Variants in LRP2 observed in about 807,000 individuals in gnomAD.
LRP2 encodes LDL receptor related protein 2, also known as low-density lipoprotein receptor-related protein 2.
In LRP2, 172 loss-of-function variants were observed where a neutral mutation model predicts 531.0. That is an observed-to-expected ratio of 0.32 (90% CI 0.29 to 0.37). The LOEUF is 0.37. Among genes scored for constraint, LRP2 ranks in the 10% least tolerant of loss-of-function variants. LRP2 has a pLI of 1.00. For missense variants in LRP2, 5,167 were observed against 5,868.3 expected (o/e 0.88, Z 3.90); for synonymous variants, 1,992 against 2,027.6 (o/e 0.98, Z 0.47).
chr2:169,172,123 A>G lies in LRP2; in HGVS notation c.11155T>C (p.Cys3719Arg), dbSNP rs1260733030. 6.2e-7 allele frequency: 1 copy of G among 1,614,188 alleles called. No homozygotes were observed. Among genetic ancestry groups the G allele is most frequent in the Non-Finnish European group, 8.5e-7 (1 of 1,180,010 alleles). The change falls in exon 58 of 79, where the codon TGC becomes CGC. Residue 3719 changes from cysteine to arginine, a missense_variant. This residue lies in a region of LRP2 where 311 missense variants were observed against 309.4 expected (regional missense o/e 1.01). Transcript: ENST00000649046. ...CAGCGGAAATCCCCCACAGGATGGC[A>G]TGTCCTCTCCTCTGCAAAGCAGTCA... is the stretch of plus-strand genomic sequence containing the variant. Reference protein sequence around the residue: ...SDEQGCEERTCHPVGDFRCKN... With the variant: ...SDEQGCEERTRHPVGDFRCKN...
intron 1 of LRP2, among the ~76,000 whole-genome samples, chr2:169,323,978 T>C (rs1427753593): frequency 6.6e-6 from 1 of 152,068 alleles, no homozygotes; most frequent in Non-Finnish European, 1.5e-5. Flanking sequence ...CGGAACCAAA[T>C]GAACACCCTA....
intron 16 of LRP2, 113 bp downstream of exon 16, chr2:169,270,791 T>TAAATAAATAAATAAATAAAA (rs1325736906): frequency 1.2e-5 from 6 of 482,018 alleles, no homozygotes; most frequent in African/African-American, 1.2e-4. Context: ...AATAAATAAA[T>TAAATAAATAAATAAATAAAA]AAGACTGCTT....
chr2:169,343,504 T>C (rs1327376816), intron 1 of LRP2, among the ~76,000 whole-genome samples: 1 of 152,158 alleles, frequency 6.6e-6, no homozygotes, highest in African/African-American at 2.4e-5. Context: ...GGGCCAAATG[T>C]TTACTGAATG....
intron 46 of LRP2, among the ~76,000 whole-genome samples, chr2:169,196,251 A>G (rs1688000803): frequency 6.6e-6 from 1 of 152,252 alleles, no homozygotes; most frequent in Non-Finnish European, 1.5e-5. Context: ...GGCCACAGCC[A>G]TAGTTTTCTG....
chr2:169,319,683 T>C (rs1684860806), intron 2 of LRP2, among the ~76,000 whole-genome samples: 1 of 152,204 alleles, frequency 6.6e-6, no homozygotes, highest in Non-Finnish European at 1.5e-5. Flanking sequence ...TCTACAAATA[T>C]AGTTTAGTCC....
At chr2:169,359,213 C>T (rs1230205113) in intron 1 of LRP2, among the ~76,000 whole-genome samples, 1 of 152,110 alleles carries the variant, frequency 6.6e-6, no homozygotes. Context: ...ATTATCTTGT[C>T]AATTTTGCAG....
At chr2:169,357,017 A>T (rs1343341908) in intron 1 of LRP2, among the ~76,000 whole-genome samples, 3 of 152,190 alleles carry the variant, frequency 2.0e-5, no homozygotes, top group African/African-American at 7.2e-5. Context: ...TCATGGAAAA[A>T]ATAAAATAAA....
In LRP2 at chr2:169,225,441, T is replaced by C. The variant is rs758191179; in HGVS notation, c.5407A>G (p.Arg1803Gly). 9.9e-6 allele frequency: 16 copies of C among 1,613,932 alleles called. No individual in the cohort carries two copies. In the African/African-American group the frequency reaches 2.1e-4, roughly 22 times the overall value. Residue 1803 changes from arginine to glycine, a missense_variant, in exon 33 of 79, where the codon AGA becomes GGA. This residue lies in a region of LRP2 where 2,811 missense variants were observed against 3,058.0 expected (regional missense o/e 0.92). Transcript: ENST00000649046. ...CTGTTGGTGCCATCTGTCTTCACTC[T>C]GTGAATTTCACCCTGGAAAGAAAGA... Reference protein sequence around the residue: ...YWVENPGEIHRVKTDGTNRTV... With the variant: ...YWVENPGEIHGVKTDGTNRTV...
In LRP2 at chr2:169,272,987, C is replaced by G. The variant is rs752982837; in HGVS notation, c.2056G>C (p.Gly686Arg). Residue 686 changes from glycine (G) to arginine (R), a missense_variant, in exon 15 of 79, where the codon GGT becomes CGT. Around this residue, in one of 6 missense-constraint regions of LRP2, gnomAD observed 2,811 missense variants for 3,058.0 expected, o/e 0.92. Transcript: ENST00000649046. ...CCGAATGTGCACTTGCAACGGAAAC[C>G]CAAACCATCATTATCTGTTCTGTGG... Reference protein sequence around the residue: ...LSHRTDNDGLGFRCKCTFGFQ... With the variant: ...LSHRTDNDGLRFRCKCTFGFQ... 2 of 1,613,762 alleles carry G rather than the reference C, an allele frequency of 1.2e-6. No individual in the cohort carries two copies. Among genetic ancestry groups the G allele is most frequent in the Non-Finnish European group, 1.7e-6 (2 of 1,179,800 alleles).
intron 1 of LRP2, among the ~76,000 whole-genome samples, chr2:169,350,794 G>A (rs1363217435): frequency 6.6e-6 from 1 of 150,756 alleles, no homozygotes; most frequent in Non-Finnish European, 1.5e-5. Flanking sequence ...AAGTGGCCCT[G>A]GGTCCTTTTC....
intron 16 of LRP2, among the ~76,000 whole-genome samples, chr2:169,265,700 G>A (rs1412192677): frequency 6.6e-6 from 1 of 151,942 alleles, no homozygotes; most frequent in Non-Finnish European, 1.5e-5. Flanking sequence ...AACACTCACA[G>A]ACATTCAAAG....
chr2:169,242,448 A>T (rs899346375), intron 24 of LRP2, among the ~76,000 whole-genome samples: 1 of 152,226 alleles, frequency 6.6e-6, no homozygotes, highest in Non-Finnish European at 1.5e-5. Flanking sequence ...GTAACTGTCT[A>T]TCTTGCTTAA....
In LRP2 at chr2:169,257,267, A is replaced by T. The variant is rs1007843846; in HGVS notation, c.2514-18T>A. The T allele has an allele frequency of 1.1e-5, 18 of 1,611,602 alleles. No homozygotes were observed. The highest frequency in any genetic ancestry group is 1.5e-5 in the Non-Finnish European group (18 of 1,178,420). Reference sequence around the variant, plus strand: ...ATAGATACCTAGAAAAAGCAGTAGTAAATTAAGGCTGTTAACACTGGGACA... The same window carrying T: ...ATAGATACCTAGAAAAAGCAGTAGTTAATTAAGGCTGTTAACACTGGGACA... On this transcript the variant is annotated intron_variant, in intron 17 of 78. Coordinates refer to ENST00000649046, the MANE Select transcript of LRP2 (RefSeq NM_004525.3).
At chr2:169,246,598 A>G in intron 21 of LRP2, 107 bp downstream of exon 21, 1 of 1,328,572 alleles carries the variant, frequency 7.5e-7, no homozygotes, top group African/African-American at 1.5e-5. Context: ...CTGAAATTCT[A>G]AAAGATATTT....
rs1686186372 is a variant in LRP2 at position 169,152,650 on chromosome 2, G to C, written c.12461+149C>G. 6.3e-6 allele frequency: 5 copies of C among 792,550 alleles called. No homozygotes were observed. The Admixed American group carries it at 9.8e-5, about 16-fold the overall frequency. 49.1% of individuals were successfully genotyped at this position (792,550 alleles called of 1,614,324 possible). ...GGGGTAAGTGGAGGTAGTTGCTGGG[G>C]CTTCAGCAAGCCCAACCACTGCCCA... is the stretch of plus-strand genomic sequence containing the variant. On this transcript the variant is annotated intron_variant, in intron 67 of 78. Transcript: ENST00000649046.
intron 13 of LRP2, among the ~76,000 whole-genome samples, chr2:169,276,645 T>A (rs1348798919): frequency 6.6e-6 from 1 of 152,130 alleles, no homozygotes; most frequent in Non-Finnish European, 1.5e-5. Context: ...TGTGATATTA[T>A]CCTTACAAAA....
intron 1 of LRP2, among the ~76,000 whole-genome samples, chr2:169,324,630 G>GA (rs11324299): frequency 0.017 from 2,355 of 141,548 alleles, 59 homozygotes; most frequent in African/African-American, 0.051. Context: ...AAAGCTAGGG[G>GA]AAAAAAAAAA....
chr2:169,184,566 G>A (rs1231111772), intron 50 of LRP2, among the ~76,000 whole-genome samples: 6 of 152,176 alleles, frequency 3.9e-5, no homozygotes, highest in African/African-American at 9.7e-5. Context: ...CCAAGAATCC[G>A]ATAGATTTGA....
intron 57 of LRP2, 127 bp downstream of exon 57, chr2:169,172,969 A>G (rs988069494): frequency 7.6e-7 from 1 of 1,317,902 alleles, no homozygotes; most frequent in South Asian, 1.2e-5. Context: ...AGAATCAACC[A>G]TTTTTTTACA....
Sources: gnomAD v4.1 joint callset for allele counts (sites outside exome capture counted in the v4.1 genomes callset) on GRCh38, gnomAD v4.1.1 for gene constraint, gnomAD v4.1.1 regional missense constraint, MANE v1.5 for transcripts, NCBI Gene and HGNC (gene_info 2026-07-23, HGNC 2026-07-21) for gene names.